The following ADGRB3 variants were observed in gnomAD, a reference collection of about 807,000 sequenced individuals.
The protein encoded by ADGRB3 is adhesion G protein-coupled receptor B3.
ADGRB3 carries 37 observed loss-of-function variants against 193.4 expected under a neutral mutation model. The ratio of observed to expected loss-of-function variants is 0.19; its 90% CI spans 0.15 to 0.25. ADGRB3 has a LOEUF of 0.25. Among genes scored for constraint, ADGRB3 ranks in the 10% least tolerant of loss-of-function variants. ADGRB3 has a pLI of 1.00. For synonymous variants in ADGRB3, 690 were observed against 644.2 expected, an observed-to-expected ratio of 1.07 and a Z score of -1.08; for missense variants, 1,637 against 1,852.9, an observed-to-expected ratio of 0.88 and a Z score of 2.14.
At chr6:68,742,433 ACTAT>A (rs1430944053) in intron 3 of ADGRB3, among the ~76,000 whole-genome samples, 5 of 152,214 alleles carry the variant, frequency 3.3e-5, no homozygotes, top group African/African-American at 1.2e-4. Flanking sequence ...AAATAAAAGC[ACTAT>A]CTATATTAAT....
At chr6:69,133,520 G>A (rs1378841174) in intron 17 of ADGRB3, among the ~76,000 whole-genome samples, 1 of 151,976 alleles carries the variant, frequency 6.6e-6, no homozygotes, top group Non-Finnish European at 1.5e-5. Context: ...TGGATTCACA[G>A]CCAAATTCTA....
chr6:69,307,523 A>G (rs995848642), intron 20 of ADGRB3, among the ~76,000 whole-genome samples: 1 of 151,554 alleles, frequency 6.6e-6, no homozygotes, highest in South Asian at 2.1e-4. Flanking sequence ...CATAGCTCCT[A>G]TATTTCTTTT....
chr6:69,247,537 C>T (rs996987602), intron 20 of ADGRB3, among the ~76,000 whole-genome samples: 2 of 152,106 alleles, frequency 1.3e-5, no homozygotes, highest in Non-Finnish European at 2.9e-5. Flanking sequence ...AAACTCTTAC[C>T]ACACTTCAGA....
chr6:69,315,339 C>T (rs565132529), intron 20 of ADGRB3, among the ~76,000 whole-genome samples: 24 of 151,558 alleles, frequency 1.6e-4, no homozygotes, highest in Non-Finnish European at 2.7e-4. Context: ...TCAAAATTAA[C>T]GTTTAAGCAG....
At chr6:68,647,027 G>T (rs773807919) in intron 3 of ADGRB3, among the ~76,000 whole-genome samples, 1 of 152,090 alleles carries the variant, frequency 6.6e-6, no homozygotes, top group Non-Finnish European at 1.5e-5. Flanking sequence ...ATGTGTGTAT[G>T]GTTGAAAATA....
At chr6:69,254,962 G>GT (rs1481387131) in intron 20 of ADGRB3, among the ~76,000 whole-genome samples, 2 of 149,084 alleles carry the variant, frequency 1.3e-5, no homozygotes, top group African/African-American at 2.5e-5. Flanking sequence ...GTGGTGTTTG[G>GT]TTTTTTGTTC....
intron 3 of ADGRB3, among the ~76,000 whole-genome samples, chr6:68,872,831 C>A (rs1765498427): frequency 6.6e-6 from 1 of 152,082 alleles, no homozygotes. Flanking sequence ...CATAGTAGTT[C>A]TGGGTTCTGT....
At position 68,993,805 on chromosome 6, in the gene ADGRB3, C is replaced by T. The variant is rs529174212; in HGVS notation, c.1772C>T (p.Ala591Val). ...CTTGCTAAGGGGCAGCGAATGCTGGCAGGTGATGGAATGTCCCAGGTGACC... is the reference window on the plus strand; with the variant it reads ...CTTGCTAAGGGGCAGCGAATGCTGGTAGGTGATGGAATGTCCCAGGTGACC... ...EHLAKGQRML[A>V]GDGMSQVTKT... is the part of the protein sequence containing the mutation. The change falls in exon 11 of 32, where the codon GCA becomes GTA. Residue 591 changes from alanine (A) to valine (V), a missense_variant. This residue lies in a region of ADGRB3 where 641 missense variants were observed against 673.9 expected (regional missense o/e 0.95). Transcript: ENST00000370598. The T allele has an allele frequency of 1.6e-4, 262 of 1,613,792 alleles. 2 individuals carry two copies. In the South Asian group the frequency reaches 2.7e-3, roughly 17 times the overall value.
chr6:68,834,963 T>C (rs1285216108), intron 3 of ADGRB3, among the ~76,000 whole-genome samples: 4 of 152,108 alleles, frequency 2.6e-5, no homozygotes, highest in Non-Finnish European at 5.9e-5. Flanking sequence ...ATTGAAAATA[T>C]GTGAGTTAAA....
At chr6:69,084,287 A>G (rs1772485136) in intron 17 of ADGRB3, among the ~76,000 whole-genome samples, 1 of 152,236 alleles carries the variant, frequency 6.6e-6, no homozygotes, top group South Asian at 2.1e-4. Flanking sequence ...AAATTAAGAT[A>G]GCTAAGAATT....
chr6:69,045,786 A>G (rs1315207622), intron 13 of ADGRB3, among the ~76,000 whole-genome samples: 1 of 152,160 alleles, frequency 6.6e-6, no homozygotes, highest in Non-Finnish European at 1.5e-5. Context: ...TTCCTACTGT[A>G]GTTAATAAAT....
intron 3 of ADGRB3, among the ~76,000 whole-genome samples, chr6:68,770,689 T>G (rs1202190839): frequency 6.6e-6 from 1 of 152,146 alleles, no homozygotes; most frequent in Non-Finnish European, 1.5e-5. Context: ...TATTTTATTC[T>G]AACTAGAAGA....
chr6:69,346,622 T>G (rs942310735), intron 26 of ADGRB3, among the ~76,000 whole-genome samples: 2 of 152,198 alleles, frequency 1.3e-5, no homozygotes, highest in Non-Finnish European at 1.5e-5. Flanking sequence ...TCACTAGTCA[T>G]TAGAGAAATG....
At chr6:68,840,713 CAG>C (rs973231602) in intron 3 of ADGRB3, among the ~76,000 whole-genome samples, 45 of 131,490 alleles carry the variant, frequency 3.4e-4, no homozygotes, top group African/African-American at 1.1e-3. Context: ...ACAAACAAAA[CAG>C]AAATTAATAA....
intron 8 of ADGRB3, among the ~76,000 whole-genome samples, chr6:68,971,681 A>T (rs1236035624): frequency 1.3e-5 from 2 of 152,262 alleles, no homozygotes; most frequent in Non-Finnish European, 2.9e-5. Context: ...TTCCTAATAC[A>T]TAGTGGAAGT....
chr6:68,966,592 A>T (rs1332160729), intron 8 of ADGRB3, among the ~76,000 whole-genome samples: 1 of 151,434 alleles, frequency 6.6e-6, no homozygotes, highest in Non-Finnish European at 1.5e-5. Flanking sequence ...TCTCCTTTAC[A>T]CCTCAACCTG....
intron 16 of ADGRB3, among the ~76,000 whole-genome samples, chr6:69,067,884 A>T (rs1048345601): frequency 7.9e-5 from 12 of 152,164 alleles, no homozygotes; most frequent in Non-Finnish European, 1.6e-4. Context: ...TACATAATTG[A>T]TATTCTTTAA....
chr6:69,203,575 A>G (rs1193525985), intron 17 of ADGRB3, among the ~76,000 whole-genome samples: 8 of 152,082 alleles, frequency 5.3e-5, no homozygotes, highest in Admixed American at 3.3e-4. Flanking sequence ...CATCATCCAC[A>G]AGACAAAGGC....
intron 15 of ADGRB3, among the ~76,000 whole-genome samples, chr6:69,061,170 A>T (rs1214517252): frequency 6.6e-6 from 1 of 151,732 alleles, no homozygotes; most frequent in Non-Finnish European, 1.5e-5. Flanking sequence ...TTAACTCTTT[A>T]CTCTTAGGCT....
Sources: gnomAD v4.1 joint callset for allele counts (sites outside exome capture counted in the v4.1 genomes callset) on GRCh38, gnomAD v4.1.1 for gene constraint, gnomAD v4.1.1 regional missense constraint, MANE v1.5 for transcripts, NCBI Gene and HGNC (gene_info 2026-07-23, HGNC 2026-07-21) for gene names.